Variants in ZNF284 observed in about 807,000 individuals in gnomAD.
ZNF284 encodes the protein zinc finger protein 284.
Under a neutral mutation model 12.9 loss-of-function variants are expected in ZNF284, and 12 were observed. The ratio of observed to expected loss-of-function variants is 0.93; its 90% CI spans 0.60 to 1.51. ZNF284 has a LOEUF of 1.51. ZNF284 is among the 40% of genes most tolerant of loss of function. The pLI is 0.00. For missense variants in ZNF284, 667 were observed against 707.3 expected, an observed-to-expected ratio of 0.94 and a Z score of 0.65; for synonymous variants, 225 against 236.5, an observed-to-expected ratio of 0.95 and a Z score of 0.45.
At chr19:44,076,832 T>G (rs1216551727) in intron 2 of ZNF284, among the ~76,000 whole-genome samples, 1 of 151,776 alleles carries the variant, frequency 6.6e-6, no homozygotes, top group Non-Finnish European at 1.5e-5. Context: ...TTTTTTTTTT[T>G]TCCTCGAGAC....
intron 4 of ZNF284, among the ~76,000 whole-genome samples, chr19:44,083,418 A>C (rs1967157856): frequency 6.9e-6 from 1 of 144,926 alleles, no homozygotes; most frequent in Non-Finnish European, 1.5e-5. Context: ...TGGGTGACAG[A>C]ATGAGACTCT....
intron 2 of ZNF284, among the ~76,000 whole-genome samples, chr19:44,079,010 C>G (rs890964584): frequency 1.3e-5 from 2 of 151,878 alleles, no homozygotes; most frequent in African/African-American, 4.8e-5. Flanking sequence ...AGGCTGGTCT[C>G]GAACTCCAGA....
chr19:44,077,754 G>A (rs547408454), intron 2 of ZNF284, among the ~76,000 whole-genome samples: 257 of 152,126 alleles, frequency 1.7e-3, no homozygotes, highest in Non-Finnish European at 3.0e-3. Flanking sequence ...CGGCATGTTA[G>A]CTATTTTGCT....
intron 2 of ZNF284, among the ~76,000 whole-genome samples, chr19:44,080,344 C>T (rs1247993578): frequency 1.3e-5 from 2 of 152,238 alleles, no homozygotes; most frequent in Non-Finnish European, 2.9e-5. Context: ...TGCCTGTAAT[C>T]CCAGCGCTTT....
Position 44,082,049 on chromosome 19 carries a change from A to G in ZNF284, c.179A>G (p.Gln60Arg). 1 of 1,613,854 alleles carries G rather than the reference A, an allele frequency of 6.2e-7. No homozygotes were observed. The highest frequency in any genetic ancestry group is 8.5e-7 in the Non-Finnish European group (1 of 1,179,882). The change falls in exon 4 of 5, where the codon CAA becomes CGA. Residue 60 changes from glutamine (Q) to arginine (R), a missense_variant. Physicochemically the swap from Gln to Arg is conservative, Grantham distance 43. Transcript: ENST00000421176. Reference sequence around the variant, plus strand: ...TCCCACCGAGATACTTTTCACTTCCAAAGAGAAGAAAAGTTTTGGATCATG... The same window carrying G: ...TCCCACCGAGATACTTTTCACTTCCGAAGAGAAGAAAAGTTTTGGATCATG... Reference protein sequence around the residue: ...QLSHRDTFHFQREEKFWIMET... With the variant: ...QLSHRDTFHFRREEKFWIMET...
rs1201648235 is a variant in ZNF284 at position 44,086,566 on chromosome 19, T to C, written c.1088T>C (p.Met363Thr). The change falls in exon 5 of 5, where the codon ATG (methionine) becomes ACG (threonine). Residue 363 changes from methionine (M) to threonine (T), a missense_variant. Coordinates refer to ENST00000421176, the MANE Select transcript of ZNF284 (RefSeq NM_001037813.4). ...AGGCAAGATCTTTGTAAGCATCAGATGGACCATACAGGAGACAAACCATAT... is the reference window on the plus strand; with the variant it reads ...AGGCAAGATCTTTGTAAGCATCAGACGGACCATACAGGAGACAAACCATAT... ...TCRQDLCKHQMDHTGDKPYNC... is the reference protein window; with the variant it reads ...TCRQDLCKHQTDHTGDKPYNC... 2 of 1,614,174 alleles carry C rather than the reference T, an allele frequency of 1.2e-6. No homozygotes were observed. Among genetic ancestry groups the C allele is most frequent in the Non-Finnish European group, 1.7e-6 (2 of 1,180,022 alleles).
In ZNF284 at chr19:44,088,438, CTT is replaced by C. The variant is rs933254629; in HGVS notation, c.*1179_*1180del. The stretch of plus-strand genomic sequence containing the variant: ...CTTTACCATTTTCTGTTGATGAACA[CTT>C]AGATTGGTTCCATATGTTAGCTATT... On this transcript the variant is annotated 3_prime_UTR_variant, in exon 5 of 5. Coordinates refer to ENST00000421176, the MANE Select transcript of ZNF284 (RefSeq NM_001037813.4). 6.6e-6 allele frequency: 1 copy of C among 152,150 alleles called. No homozygotes were observed. The highest frequency in any genetic ancestry group is 2.4e-5 in the African/African-American group (1 of 41,414). The allele number at this position is 152,150 out of a possible 1,614,324, so 9.4% of individuals were successfully genotyped here. A position where few individuals can be genotyped will look rare whatever the true frequency, so the allele number is the denominator to read the frequency against.
At chr19:44,081,180 C>T in intron 3 of ZNF284, 39 bp downstream of exon 3, 1 of 1,588,904 alleles carries the variant, frequency 6.3e-7, no homozygotes, top group Non-Finnish European at 8.6e-7. Flanking sequence ...CATCAGGCCC[C>T]AGGAATGGCT....
chr19:44,076,463 CAT>C (rs1263999685), intron 2 of ZNF284, 59 bp downstream of exon 2: 13 of 1,568,868 alleles, frequency 8.3e-6, no homozygotes, highest in South Asian at 7.0e-5. Context: ...AAGATTGTCA[CAT>C]GTTTTTCTCG....
intron 2 of ZNF284, among the ~76,000 whole-genome samples, chr19:44,080,004 T>G (rs1476794886): frequency 1.3e-5 from 2 of 152,204 alleles, no homozygotes; most frequent in African/African-American, 2.4e-5. Flanking sequence ...CTTTCCCCAT[T>G]TATATTCTCT....
chr19:44,081,143 T>G lies in ZNF284; in HGVS notation c.142+2T>G. 6.2e-7 allele frequency: 1 copy of G among 1,610,134 alleles called. No individual in the cohort carries two copies. The highest frequency in any genetic ancestry group is 8.5e-7 in the Non-Finnish European group (1 of 1,177,492). The stretch of plus-strand genomic sequence containing the variant: ...ACTTCAGAAACCTGCTATCAGTGGG[T>G]GAGCACAGGCACCCTCTGTAATGGA... On this transcript the variant is annotated splice_donor_variant, in intron 3 of 4. Coordinates refer to ENST00000421176, the MANE Select transcript of ZNF284 (RefSeq NM_001037813.4). LOFTEE classifies it high-confidence loss of function.
At chr19:44,078,096 C>A (rs796688867) in intron 2 of ZNF284, among the ~76,000 whole-genome samples, 17 of 151,898 alleles carry the variant, frequency 1.1e-4, no homozygotes, top group African/African-American at 4.1e-4. Flanking sequence ...AAGACATAAT[C>A]CAAAATAAGA....
At chr19:44,078,753 C>T (rs1242243423) in intron 2 of ZNF284, among the ~76,000 whole-genome samples, 2 of 152,030 alleles carry the variant, frequency 1.3e-5, no homozygotes, top group African/African-American at 4.8e-5. Context: ...AATCACTGCA[C>T]CTGGTTTGAA....
chr19:44,079,283 C>A (rs1346098701), intron 2 of ZNF284, among the ~76,000 whole-genome samples: 1 of 152,102 alleles, frequency 6.6e-6, no homozygotes, highest in Admixed American at 6.5e-5. Context: ...AATAAAAAAT[C>A]CAAAGAAATA....
At chr19:44,076,287 CTT>C (rs113979105) in intron 1 of ZNF284, 33 bp from the exon 2 acceptor site, 31,467 of 999,046 alleles carry the variant, frequency 0.031, no homozygotes, top group South Asian at 0.062. Flanking sequence ...CTTCATGTCT[CTT>C]TTTTTTTTTT....
chr19:44,088,185 T>C lies in ZNF284; in HGVS notation c.*925T>C, dbSNP rs556399356. On this transcript the variant is annotated 3_prime_UTR_variant, in exon 5 of 5. Coordinates refer to ENST00000421176, the MANE Select transcript of ZNF284 (RefSeq NM_001037813.4). ...GCCTTGGCCTCCCAAAGTGCTGGGA[T>C]TACAGGCATGAGCCACCGTGCCCAG... The C allele has an allele frequency of 1.3e-4, 20 of 152,384 alleles. No homozygotes were observed. The highest frequency in any genetic ancestry group is 1.9e-4 in the Non-Finnish European group (13 of 68,088). The allele number at this position is 152,384 out of a possible 1,614,324, so 9.4% of individuals were successfully genotyped here.
rs185729696 is a variant in ZNF284 at position 44,075,061 on chromosome 19, A to T, written c.-68-1261A>T. Among the ~76,000 whole-genome samples the T allele has an allele frequency of 6.6e-5, 10 of 152,288 alleles. No individual in the cohort carries two copies. The East Asian group carries it at 1.7e-3, about 26-fold the overall frequency. On this transcript the variant is annotated intron_variant, in intron 1 of 4. Coordinates refer to ENST00000421176, the MANE Select transcript of ZNF284 (RefSeq NM_001037813.4). ...TATCTATTACATATCACATCTGTTAAAAAGCTAATAATAGTAGTTGTAGTG... is the reference window on the plus strand; with the variant it reads ...TATCTATTACATATCACATCTGTTATAAAGCTAATAATAGTAGTTGTAGTG...
rs1967305951 is a variant in ZNF284 at position 44,089,043 on chromosome 19, G to C, written c.*1783G>C. On this transcript the variant is annotated 3_prime_UTR_variant, in exon 5 of 5. Coordinates refer to ENST00000421176, the MANE Select transcript of ZNF284 (RefSeq NM_001037813.4). ...TTGCCCAAATTGGTCTCAAACTCCT[G>C]GGCTCAAGCGATTCTCCCTCCTCAG... is the stretch of plus-strand genomic sequence containing the variant. 6.6e-6 allele frequency: 1 copy of C among 151,826 alleles called. No individual in the cohort carries two copies. The highest frequency in any genetic ancestry group is 1.5e-5 in the Non-Finnish European group (1 of 68,164). The allele number at this position is 151,826 out of a possible 1,614,324, so 9.4% of individuals were successfully genotyped here.
intron 4 of ZNF284, among the ~76,000 whole-genome samples, chr19:44,083,504 G>T (rs868117850): frequency 0.41 from 35,426 of 86,380 alleles, 9,966 homozygotes; most frequent in Non-Finnish European, 0.57. Flanking sequence ...GAGAGAGAGG[G>T]AATGGAATAC....
Sources: gnomAD v4.1 joint callset for allele counts (sites outside exome capture counted in the v4.1 genomes callset) on GRCh38, gnomAD v4.1.1 for gene constraint, MANE v1.5 for transcripts, NCBI Gene and HGNC (gene_info 2026-07-23, HGNC 2026-07-21) for gene names.